LYPD8: variants seen among roughly 807,000 people sequenced by gnomAD.
The protein encoded by LYPD8 is LY6/PLAUR domain containing 8, also known as ly6/PLAUR domain-containing protein 8.
Under a neutral mutation model 1.7 loss-of-function variants are expected in LYPD8, and 8 were observed. The observed-to-expected ratio is 4.58, with a 90% CI of 2.69 to 8.27. The LOEUF (loss-of-function observed/expected upper bound fraction) is 8.27. Among genes scored for constraint, LYPD8 ranks in the 30% most tolerant of loss-of-function variants. The probability of loss-of-function intolerance (pLI) is 0.00; values close to 1 mark genes in which losing one functional copy is unlikely to be tolerated. For synonymous variants in LYPD8, 50 were observed against 43.6 expected, an observed-to-expected ratio of 1.15 and a Z score of -0.58; for missense variants, 112 against 102.3, an observed-to-expected ratio of 1.09 and a Z score of -0.41.
intron 2 of LYPD8, among the ~76,000 whole-genome samples, chr1:248,752,839 C>T (rs1468386293): frequency 2.1e-5 from 2 of 96,692 alleles, no homozygotes; most frequent in South Asian, 3.2e-4. Context: ...ACACCACACC[C>T]CACACACACA....
intron 4 of LYPD8, among the ~76,000 whole-genome samples, chr1:248,750,204 G>T (rs1238970533): frequency 2.0e-5 from 3 of 152,210 alleles, no homozygotes; most frequent in Non-Finnish European, 2.9e-5. Flanking sequence ...AAAGCATCCA[G>T]AGCAAATCCT....
chr1:248,740,395 A>G (rs1662569276), intron 6 of LYPD8, among the ~76,000 whole-genome samples: 1 of 152,256 alleles, frequency 6.6e-6, no homozygotes, highest in Non-Finnish European at 1.5e-5. Flanking sequence ...TCTCTGCCGT[A>G]AATTGGGGTT....
chr1:248,743,306 A>G (rs563014561), intron 6 of LYPD8, among the ~76,000 whole-genome samples: 5 of 152,188 alleles, frequency 3.3e-5, no homozygotes, highest in African/African-American at 1.2e-4. Flanking sequence ...CTGTACTACA[A>G]ATACAAAAAG....
At chr1:248,752,867 AC>A (rs1662837038) in intron 2 of LYPD8, among the ~76,000 whole-genome samples, 1 of 112,592 alleles carries the variant, frequency 8.9e-6, no homozygotes, top group Non-Finnish European at 1.8e-5. Context: ...CCACACACAC[AC>A]CACACACCCC....
At position 248,743,422 on chromosome 1, in the gene LYPD8, A is replaced by ACT. The variant is rs1553283755; in HGVS notation, c.475+1719_475+1720insAG. Among the ~76,000 whole-genome samples the ACT allele has an allele frequency of 1.7e-3, 252 of 152,160 alleles. 6 individuals are homozygous for ACT. The East Asian group carries it at 0.041, about 25-fold the overall frequency. ...GGAGGTTGCAGTGAGCTGAGATCGCACCACTGCACTCCAGCCTGGGCGACA... is the reference window on the plus strand; with the variant it reads ...GGAGGTTGCAGTGAGCTGAGATCGCACTCCACTGCACTCCAGCCTGGGCGACA... On this transcript the variant is annotated intron_variant, in intron 6 of 6. Transcript: ENST00000590317.
chr1:248,742,529 G>GT (rs1662625780), intron 6 of LYPD8, among the ~76,000 whole-genome samples: 1 of 68,040 alleles, frequency 1.5e-5, no homozygotes, highest in African/African-American at 8.8e-5. Flanking sequence ...GATGTTGGCA[G>GT]CGGGGAGATT....
intron 2 of LYPD8, among the ~76,000 whole-genome samples, chr1:248,753,322 CA>C (rs1662861197): frequency 2.1e-5 from 2 of 94,198 alleles, no homozygotes; most frequent in Non-Finnish European, 4.3e-5. Context: ...ACACAACACA[CA>C]ACACATCACA....
At chr1:248,753,514 CAT>C (rs1662868224) in intron 2 of LYPD8, among the ~76,000 whole-genome samples, 3 of 132,804 alleles carry the variant, frequency 2.3e-5, no homozygotes, top group Non-Finnish European at 3.2e-5. Context: ...ACAACACACA[CAT>C]CACACACCCC....
chr1:248,753,113 CA>C (rs1662849861), intron 2 of LYPD8, among the ~76,000 whole-genome samples: 5 of 94,954 alleles, frequency 5.3e-5, no homozygotes, highest in Non-Finnish European at 7.2e-5. Flanking sequence ...ACACCACACA[CA>C]ACACACACAA....
chr1:248,744,380 C>G (rs1334057730), intron 6 of LYPD8, among the ~76,000 whole-genome samples: 1 of 152,232 alleles, frequency 6.6e-6, no homozygotes, highest in Admixed American at 6.5e-5. Context: ...CAGCACCCAC[C>G]CAGGGCATCA....
intron 4 of LYPD8, among the ~76,000 whole-genome samples, chr1:248,748,671 T>A (rs1662751178): frequency 2.0e-5 from 3 of 152,200 alleles, no homozygotes; most frequent in Admixed American, 6.5e-5. Context: ...GAGGTGCAGG[T>A]TAAACTCCAG....
At chr1:248,750,133 G>T (rs1223240194) in intron 4 of LYPD8, among the ~76,000 whole-genome samples, 1 of 152,184 alleles carries the variant, frequency 6.6e-6, no homozygotes, top group Non-Finnish European at 1.5e-5. Flanking sequence ...CTGTGGGGAG[G>T]TCTTGAATGA....
At chr1:248,740,539 C>T (rs1481319321) in intron 6 of LYPD8, among the ~76,000 whole-genome samples, 1 of 152,266 alleles carries the variant, frequency 6.6e-6, no homozygotes, top group African/African-American at 2.4e-5. Flanking sequence ...CTGTCAGCTG[C>T]AATTCAAACA....
chr1:248,752,615 AT>A (rs1295527569), intron 2 of LYPD8, among the ~76,000 whole-genome samples: 24 of 100,632 alleles, frequency 2.4e-4, no homozygotes, highest in African/African-American at 3.3e-4. Flanking sequence ...CCCCACACAC[AT>A]CACACACACA....
intron 2 of LYPD8, among the ~76,000 whole-genome samples, chr1:248,753,217 C>CA (rs1662854772): frequency 1.1e-5 from 1 of 92,970 alleles, no homozygotes; most frequent in African/African-American, 4.4e-5. Context: ...AACACACACA[C>CA]CACACCACAC....
intron 2 of LYPD8, 123 bp from the exon 3 acceptor site, chr1:248,751,253 A>C (rs937494363): frequency 9.5e-4 from 362 of 381,902 alleles, no homozygotes; most frequent in African/African-American, 6.8e-3. Context: ...AAGAATCAAA[A>C]TCCTGAGCTG....
chr1:248,755,009 C>T (rs1662899595), intron 2 of LYPD8, among the ~76,000 whole-genome samples: 1 of 152,048 alleles, frequency 6.6e-6, no homozygotes, highest in Non-Finnish European at 1.5e-5. Context: ...GAAGGAGACC[C>T]CAGCAGCCCA....
intron 5 of LYPD8, among the ~76,000 whole-genome samples, chr1:248,746,365 G>C (rs1662725922): frequency 1.3e-5 from 2 of 152,212 alleles, no homozygotes. Context: ...CACTAAGAAA[G>C]AGGGGAGGCA....
At chr1:248,753,686 TCA>T (rs1247130400) in intron 2 of LYPD8, among the ~76,000 whole-genome samples, 1 of 63,640 alleles carries the variant, frequency 1.6e-5, no homozygotes, top group Admixed American at 1.6e-4. Flanking sequence ...ACACACCACA[TCA>T]CACACACACC....
Sources: gnomAD v4.1 joint callset for allele counts (sites outside exome capture counted in the v4.1 genomes callset) on GRCh38, gnomAD v4.1.1 for gene constraint, MANE v1.5 for transcripts, NCBI Gene and HGNC (gene_info 2026-07-23, HGNC 2026-07-21) for gene names.